THSD7B: variants seen among roughly 807,000 people sequenced by gnomAD.
The protein encoded by THSD7B is thrombospondin type 1 domain containing 7B.
In THSD7B, 138 loss-of-function variants were observed where a neutral mutation model predicts 213.6. The observed-to-expected ratio is 0.65, with a 90% CI of 0.56 to 0.74. The LOEUF (loss-of-function observed/expected upper bound fraction) is 0.74. THSD7B is among the 30% of genes least tolerant of loss of function. The pLI is 0.00. For synonymous variants in THSD7B, 742 were observed against 687.0 expected (o/e 1.08, Z -1.25); for missense variants, 1,931 against 1,991.5 (o/e 0.97, Z 0.58).
chr2:137,302,109 T>A (rs1432096630), intron 12 of THSD7B, among the ~76,000 whole-genome samples: 3 of 152,044 alleles, frequency 2.0e-5, no homozygotes, highest in African/African-American at 2.4e-5. Context: ...ATAGGCCCTA[T>A]AAATGTTATG....
chr2:137,541,132 T>C (rs1176044964), intron 15 of THSD7B, among the ~76,000 whole-genome samples: 1 of 151,780 alleles, frequency 6.6e-6, no homozygotes, highest in African/African-American at 2.4e-5. Flanking sequence ...GACATCATTA[T>C]ACATGACAAA....
chr2:137,612,195 A>G (rs1037403683), intron 17 of THSD7B, among the ~76,000 whole-genome samples: 3 of 152,244 alleles, frequency 2.0e-5, no homozygotes, highest in African/African-American at 7.2e-5. Flanking sequence ...TAATTTATCA[A>G]AACACATAGT....
intron 12 of THSD7B, among the ~76,000 whole-genome samples, chr2:137,398,127 T>C (rs1432132011): frequency 2.0e-5 from 3 of 147,888 alleles, no homozygotes; most frequent in Non-Finnish European, 4.5e-5. Context: ...CTCCCGTAGC[T>C]CAGAGTAATT....
intron 1 of THSD7B, among the ~76,000 whole-genome samples, chr2:136,864,525 T>C (rs1683301977): frequency 6.6e-6 from 1 of 152,182 alleles, no homozygotes; most frequent in East Asian, 1.9e-4. Context: ...AAACATATCA[T>C]ATTTCTTTTT....
At chr2:136,940,376 T>C (rs1684800036) in intron 2 of THSD7B, among the ~76,000 whole-genome samples, 1 of 152,184 alleles carries the variant, frequency 6.6e-6, no homozygotes, top group African/African-American at 2.4e-5. Context: ...TATTCCATGG[T>C]ATATGTATAC....
At chr2:137,530,957 C>A (rs969871030) in intron 15 of THSD7B, among the ~76,000 whole-genome samples, 1 of 151,968 alleles carries the variant, frequency 6.6e-6, no homozygotes, top group Non-Finnish European at 1.5e-5. Flanking sequence ...TAACATTGAT[C>A]AGTTCTCGAA....
intron 5 of THSD7B, among the ~76,000 whole-genome samples, chr2:137,155,212 C>T (rs913430718): frequency 5.3e-5 from 8 of 152,126 alleles, no homozygotes; most frequent in Admixed American, 3.9e-4. Context: ...TGAAGAGTCT[C>T]TGTGGGGATT....
intron 15 of THSD7B, among the ~76,000 whole-genome samples, chr2:137,451,790 A>G (rs746390415): frequency 4.6e-5 from 7 of 152,118 alleles, no homozygotes; most frequent in Non-Finnish European, 8.8e-5. Context: ...TAATCAGTTG[A>G]CTAGGTTGAG....
rs747283582 is a variant in THSD7B at position 137,056,849 on chromosome 2, A to T, written c.569A>T (p.Asn190Ile). 2.2e-5 allele frequency: 35 copies of T among 1,613,828 alleles called. No homozygotes were observed. The highest frequency in any genetic ancestry group is 2.8e-5 in the Non-Finnish European group (33 of 1,179,886). Residue 190 changes from asparagine (N) to isoleucine (I), a missense_variant, in exon 3 of 28, where the codon AAC (asparagine) becomes ATC (isoleucine). Physicochemically the swap from Asn to Ile is moderately radical, Grantham distance 149. Coordinates refer to ENST00000409968, the MANE Select transcript of THSD7B (RefSeq NM_001316349.2). ...CVVSEFLPWS[N>I]CSKGCGKKLQ... The stretch of plus-strand genomic sequence containing the variant: ...GTATCTGAGTTCTTACCATGGTCCA[A>T]CTGTAGCAAGGGATGTGGGAAGAAA...
At chr2:136,893,217 T>C (rs1683896055) in intron 2 of THSD7B, among the ~76,000 whole-genome samples, 1 of 152,204 alleles carries the variant, frequency 6.6e-6, no homozygotes, top group Non-Finnish European at 1.5e-5. Flanking sequence ...AATCTGTCTA[T>C]AATAACTGGC....
chr2:136,979,951 G>A (rs1573746835), intron 2 of THSD7B, among the ~76,000 whole-genome samples: 1 of 151,972 alleles, frequency 6.6e-6, no homozygotes, highest in African/African-American at 2.4e-5. Context: ...TGGCATTTTT[G>A]TGGGTTTTTT....
chr2:136,863,964 T>C (rs1683293625), intron 1 of THSD7B, among the ~76,000 whole-genome samples: 1 of 152,186 alleles, frequency 6.6e-6, no homozygotes, highest in Non-Finnish European at 1.5e-5. Flanking sequence ...CCATTAAAAG[T>C]TGATGGTGGC....
At chr2:137,028,722 G>A (rs957200060) in intron 2 of THSD7B, among the ~76,000 whole-genome samples, 2 of 152,176 alleles carry the variant, frequency 1.3e-5, no homozygotes, top group African/African-American at 2.4e-5. Flanking sequence ...GACGCTCAAG[G>A]TGGGCAACCT....
At chr2:137,249,277 G>C (rs1682114615) in intron 10 of THSD7B, among the ~76,000 whole-genome samples, 1 of 151,264 alleles carries the variant, frequency 6.6e-6, no homozygotes, top group African/African-American at 2.4e-5. Context: ...GGGATCTTCT[G>C]CCTGTCTTTA....
chr2:136,847,424 T>C (rs1443265882), intron 1 of THSD7B, among the ~76,000 whole-genome samples: 2 of 152,160 alleles, frequency 1.3e-5, no homozygotes, highest in African/African-American at 4.8e-5. Context: ...GGGGAAAGGA[T>C]ATTTTGGAAA....
chr2:136,887,179 T>C (rs1683732875), intron 2 of THSD7B, among the ~76,000 whole-genome samples: 1 of 152,196 alleles, frequency 6.6e-6, no homozygotes, highest in Admixed American at 6.5e-5. Context: ...ATCACCTCTA[T>C]CTAATTTCAG....
At chr2:137,061,061 A>G (rs1231739056) in intron 3 of THSD7B, among the ~76,000 whole-genome samples, 1 of 151,840 alleles carries the variant, frequency 6.6e-6, no homozygotes, top group African/African-American at 2.4e-5. Flanking sequence ...TATATCTTGT[A>G]CATATTGTGT....
chr2:137,458,219 T>A (rs1048439513), intron 15 of THSD7B, among the ~76,000 whole-genome samples: 2 of 152,170 alleles, frequency 1.3e-5, no homozygotes, highest in Admixed American at 6.6e-5. Context: ...TCTGCTAAAG[T>A]TTTTATTACC....
chr2:136,835,205 C>T (rs1288693638), intron 1 of THSD7B, among the ~76,000 whole-genome samples: 2 of 152,106 alleles, frequency 1.3e-5, no homozygotes, highest in Admixed American at 1.3e-4. Flanking sequence ...GGTCATACAA[C>T]AAAACATAAC....
Sources: gnomAD v4.1 joint callset for allele counts (sites outside exome capture counted in the v4.1 genomes callset) on GRCh38, gnomAD v4.1.1 for gene constraint, MANE v1.5 for transcripts, NCBI Gene and HGNC (gene_info 2026-07-23, HGNC 2026-07-21) for gene names.